TXNRD1: variants seen among roughly 807,000 people sequenced by gnomAD.
TXNRD1 encodes the protein thioredoxin reductase 1, also known as thioredoxin reductase 1, cytoplasmic.
TXNRD1 carries 57 observed loss-of-function variants against 80.3 expected under a neutral mutation model. That is an observed-to-expected ratio of 0.71 (90% CI 0.57 to 0.89). TXNRD1 has a LOEUF of 0.89. TXNRD1 is among the 40% of genes least tolerant of loss of function. The pLI, the probability that TXNRD1 is intolerant of heterozygous loss-of-function variation, is 0.00. For synonymous variants in TXNRD1, 291 were observed against 285.2 expected, an observed-to-expected ratio of 1.02 and a Z score of -0.20; for missense variants, 730 against 803.0, an observed-to-expected ratio of 0.91 and a Z score of 1.10.
At chr12:104,322,415 T>G (rs1289788715) in intron 10 of TXNRD1, among the ~76,000 whole-genome samples, 1 of 148,290 alleles carries the variant, frequency 6.7e-6, no homozygotes, top group Non-Finnish European at 1.5e-5. Flanking sequence ...GAGTTTTGCT[T>G]TGTCACCCAG....
rs181453934 is a variant in TXNRD1 at position 104,319,146 on chromosome 12, A to C, written c.873+91A>C. The C allele has an allele frequency of 1.8e-5, 25 of 1,412,244 alleles. No homozygotes were observed. The Admixed American group carries it at 2.1e-4, about 12-fold the overall frequency. The allele number at this position is 1,412,244 out of a possible 1,614,324, so 87.5% of individuals were successfully genotyped here. A position where few individuals can be genotyped will look rare whatever the true frequency, so the allele number is the denominator to read the frequency against. ...GAAAATGTTAAAGTATTATAATAAA[A>C]GTAATAGCCACTGTGACCCAGACTA... On this transcript the variant is annotated intron_variant, in intron 8 of 16. Transcript: ENST00000525566.
intron 1 of TXNRD1, among the ~76,000 whole-genome samples, chr12:104,217,323 T>G (rs1190401576): frequency 1.3e-5 from 2 of 151,760 alleles, no homozygotes; most frequent in Admixed American, 6.6e-5. Context: ...ATTTTGTTTT[T>G]TTTTTTTTTT....
intron 3 of TXNRD1, among the ~76,000 whole-genome samples, chr12:104,258,785 C>A (rs917618991): frequency 6.6e-6 from 1 of 152,068 alleles, no homozygotes; most frequent in African/African-American, 2.4e-5. Flanking sequence ...AAAAAGTTAA[C>A]CAGGCACAGT....
At chr12:104,345,497 T>C (rs1307565950) in intron 16 of TXNRD1, among the ~76,000 whole-genome samples, 2 of 152,238 alleles carry the variant, frequency 1.3e-5, no homozygotes, top group Non-Finnish European at 2.9e-5. Context: ...GAGGAGAGGC[T>C]ACTCTTGTTT....
At chr12:104,263,470 G>A (rs1296318267) in intron 3 of TXNRD1, among the ~76,000 whole-genome samples, 1 of 151,976 alleles carries the variant, frequency 6.6e-6, no homozygotes. Context: ...GTGTTTGGTG[G>A]CAGAGGTTGT....
chr12:104,291,196 CTT>C (rs35069007), intron 4 of TXNRD1: 10,154 of 135,796 alleles, frequency 0.075, 12 homozygotes, highest in South Asian at 0.15. Flanking sequence ...TACTTTGTGT[CTT>C]TTTTTTTTTT....
chr12:104,217,017 A>C (rs889146980), intron 1 of TXNRD1, among the ~76,000 whole-genome samples: 4 of 152,194 alleles, frequency 2.6e-5, no homozygotes, highest in Non-Finnish European at 5.9e-5. Context: ...GCAGCCGGTG[A>C]GACCATGCTA....
At chr12:104,277,752 C>A (rs1040829496) in intron 3 of TXNRD1, among the ~76,000 whole-genome samples, 1 of 151,796 alleles carries the variant, frequency 6.6e-6, no homozygotes, top group African/African-American at 2.4e-5. Context: ...TTGTTTTTAC[C>A]GGTTTTTAGC....
In TXNRD1 at chr12:104,287,250, G is replaced by A. The variant is rs568633006; in HGVS notation, c.305-1681G>A. The stretch of plus-strand genomic sequence containing the variant: ...CTCGGGGAAGGGAAGATATTTTAAG[G>A]CGTGTCTGAGCAGACGGGGAGGCTT... On this transcript the variant is annotated intron_variant, in intron 3 of 16. Coordinates refer to ENST00000525566, the MANE Select transcript of TXNRD1 (RefSeq NM_001093771.3). 9.7e-5 allele frequency: 157 copies of A among 1,613,782 alleles called. 2 individuals are homozygous for A. In the South Asian group the frequency reaches 1.7e-3, roughly 18 times the overall value.
chr12:104,272,182 G>C (rs554457048), intron 3 of TXNRD1, among the ~76,000 whole-genome samples: 1 of 152,192 alleles, frequency 6.6e-6, no homozygotes, highest in Non-Finnish European at 1.5e-5. Flanking sequence ...CCTTACAGAC[G>C]GAGCAATGGT....
chr12:104,319,890 A>G (rs1433123894), intron 9 of TXNRD1, among the ~76,000 whole-genome samples: 1 of 152,282 alleles, frequency 6.6e-6, no homozygotes, highest in African/African-American at 2.4e-5. Flanking sequence ...GAAAGTATGT[A>G]ATAAAACCAA....
chr12:104,318,865 C>T (rs1012834938), intron 7 of TXNRD1, 48 bp from the exon 8 acceptor site: 1 of 1,580,876 alleles, frequency 6.3e-7, no homozygotes, highest in Admixed American at 1.8e-5. Flanking sequence ...ATGATCTTTG[C>T]CAGCAGTTGA....
chr12:104,337,160 A>G lies in TXNRD1; in HGVS notation c.1747-1979A>G, dbSNP rs548051520. ...TTTGAGACCCTTTCCACATTATTAC[A>G]TGGAAATCTATTTTAAGTGCTTTTT... On this transcript the variant is annotated intron_variant, in intron 15 of 16. Coordinates refer to ENST00000525566, the MANE Select transcript of TXNRD1 (RefSeq NM_001093771.3). Among the ~76,000 whole-genome samples, 13 of 152,120 alleles carry G rather than the reference A, an allele frequency of 8.5e-5. No individual in the cohort carries two copies. In the East Asian group the frequency reaches 1.9e-3, roughly 23 times the overall value.
intron 8 of TXNRD1, 113 bp downstream of exon 8, chr12:104,319,168 A>G (rs2035439886): frequency 7.8e-7 from 1 of 1,277,490 alleles, no homozygotes; most frequent in Non-Finnish European, 1.1e-6. Flanking sequence ...TGTGACCCAG[A>G]CTATCCAGTT....
At chr12:104,227,221 A>G (rs921025362) in intron 1 of TXNRD1, among the ~76,000 whole-genome samples, 2 of 152,152 alleles carry the variant, frequency 1.3e-5, no homozygotes, top group East Asian at 3.9e-4. Flanking sequence ...TATACAAATA[A>G]AATAGATTTT....
At chr12:104,304,638 A>G (rs2135787755) in intron 4 of TXNRD1, 1 of 1,613,932 alleles carries the variant, frequency 6.2e-7, no homozygotes, top group South Asian at 1.1e-5. Flanking sequence ...TTTCGAAAGT[A>G]TCCTGATACT....
intron 4 of TXNRD1, among the ~76,000 whole-genome samples, chr12:104,295,968 T>C (rs551580817): frequency 1.8e-4 from 27 of 152,360 alleles, no homozygotes; most frequent in Admixed American, 7.2e-4. Context: ...TTGTTAATAC[T>C]TAGTGATTAA....
At chr12:104,326,827 G>GT (rs2035783368) in intron 12 of TXNRD1, among the ~76,000 whole-genome samples, 1 of 151,502 alleles carries the variant, frequency 6.6e-6, no homozygotes, top group African/African-American at 2.4e-5. Flanking sequence ...TAGAATTTTA[G>GT]TTTTTTGTTG....
chr12:104,232,763 G>T (rs111295935), intron 1 of TXNRD1, among the ~76,000 whole-genome samples: 1 of 152,096 alleles, frequency 6.6e-6, no homozygotes, highest in African/African-American at 2.4e-5. Flanking sequence ...AGGAAATAGC[G>T]CTCGAATATG....
Sources: gnomAD v4.1 joint callset for allele counts (sites outside exome capture counted in the v4.1 genomes callset) on GRCh38, gnomAD v4.1.1 for gene constraint, MANE v1.5 for transcripts, NCBI Gene and HGNC (gene_info 2026-07-23, HGNC 2026-07-21) for gene names.